The following RAPGEF4 variants were observed in gnomAD, a reference collection of about 807,000 sequenced individuals.
RAPGEF4 encodes the protein RAP guanine-nucleotide-exchange factor (GEF) 4.
Under a neutral mutation model 147.9 loss-of-function variants are expected in RAPGEF4, and 66 were observed. The ratio of observed to expected loss-of-function variants is 0.45; its 90% CI spans 0.37 to 0.55. RAPGEF4 has a LOEUF of 0.55. Among genes scored for constraint, RAPGEF4 ranks in the 20% least tolerant of loss-of-function variants. The pLI is 0.00. For missense variants in RAPGEF4, 1,071 were observed against 1,257.3 expected, an observed-to-expected ratio of 0.85 and a Z score of 2.24; for synonymous variants, 419 against 442.7, an observed-to-expected ratio of 0.95 and a Z score of 0.67.
chr2:172,931,039 C>T (rs1685867441), intron 6 of RAPGEF4, among the ~76,000 whole-genome samples: 1 of 152,000 alleles, frequency 6.6e-6, no homozygotes, highest in African/African-American at 2.4e-5. Context: ...TTTGCCAGTT[C>T]CCATCCCTGA....
At chr2:172,959,842 C>A (rs895913565) in intron 6 of RAPGEF4, among the ~76,000 whole-genome samples, 2 of 152,222 alleles carry the variant, frequency 1.3e-5, no homozygotes, top group African/African-American at 4.8e-5. Context: ...ATAATCCCAG[C>A]ACTTTGGGAG....
At chr2:172,997,415 G>T (rs1001419613) in intron 16 of RAPGEF4, among the ~76,000 whole-genome samples, 1 of 152,118 alleles carries the variant, frequency 6.6e-6, no homozygotes, top group African/African-American at 2.4e-5. Flanking sequence ...TTCCAAAGAC[G>T]ATTATATTCT....
In RAPGEF4 at chr2:173,052,817, G is replaced by A. The variant is rs1456862752; in HGVS notation, c.*1050G>A. 1 of 152,216 alleles carries A rather than the reference G, an allele frequency of 6.6e-6. No individual in the cohort carries two copies. The highest frequency in any genetic ancestry group is 2.4e-5 in the African/African-American group (1 of 41,348). 9.4% of individuals were successfully genotyped at this position (152,216 alleles called of 1,614,324 possible). A position where few individuals can be genotyped will look rare whatever the true frequency, so the allele number is the denominator to read the frequency against. The stretch of plus-strand genomic sequence containing the variant: ...TTTTCACAATTAGACTACATTTAAT[G>A]TGTAGGAATTGTATGTATGTATATC... On this transcript the variant is annotated 3_prime_UTR_variant, in exon 31 of 31. Transcript: ENST00000397081.
At chr2:173,031,801 C>T (rs1376949871) in intron 26 of RAPGEF4, among the ~76,000 whole-genome samples, 1 of 152,086 alleles carries the variant, frequency 6.6e-6, no homozygotes, top group Non-Finnish European at 1.5e-5. Flanking sequence ...AGGAAATTAT[C>T]CTTTCATCAT....
chr2:172,773,508 G>T (rs1181277007), intron 1 of RAPGEF4, among the ~76,000 whole-genome samples: 1 of 152,048 alleles, frequency 6.6e-6, no homozygotes, highest in Non-Finnish European at 1.5e-5. Context: ...GATGAGAAAA[G>T]ACAAAGGTCT....
At chr2:172,740,926 A>C (rs1434985242) in intron 1 of RAPGEF4, among the ~76,000 whole-genome samples, 1 of 152,256 alleles carries the variant, frequency 6.6e-6, no homozygotes, top group Non-Finnish European at 1.5e-5. Context: ...GTGGACACTC[A>C]CGTCCTTTGG....
intron 1 of RAPGEF4, among the ~76,000 whole-genome samples, chr2:172,756,182 C>G (rs1447920391): frequency 6.6e-6 from 1 of 152,162 alleles, no homozygotes; most frequent in East Asian, 1.9e-4. Context: ...ATAGTATTTA[C>G]TAGGACAGTA....
intron 17 of RAPGEF4, among the ~76,000 whole-genome samples, chr2:173,013,278 T>C (rs1034070359): frequency 1.3e-5 from 2 of 152,208 alleles, no homozygotes; most frequent in Non-Finnish European, 2.9e-5. Context: ...TGTAGCTCGC[T>C]GTGAGGAATG....
At chr2:172,869,046 T>C (rs1050897464) in intron 4 of RAPGEF4, among the ~76,000 whole-genome samples, 1 of 152,224 alleles carries the variant, frequency 6.6e-6, no homozygotes, top group Non-Finnish European at 1.5e-5. Context: ...AGTTTTGGTA[T>C]CTGGAGCCAA....
At chr2:172,918,672 C>T (rs1412968895) in intron 5 of RAPGEF4, among the ~76,000 whole-genome samples, 6 of 152,098 alleles carry the variant, frequency 3.9e-5, no homozygotes, top group Non-Finnish European at 7.4e-5. Context: ...TCATGCATGT[C>T]GGAAACATGG....
At chr2:172,922,037 G>T (rs1407964257) in intron 5 of RAPGEF4, among the ~76,000 whole-genome samples, 3 of 152,222 alleles carry the variant, frequency 2.0e-5, no homozygotes, top group Non-Finnish European at 2.9e-5. Context: ...TAAACCATAT[G>T]GTAGACGCAA....
intron 4 of RAPGEF4, among the ~76,000 whole-genome samples, chr2:172,838,646 C>G (rs1228172810): frequency 6.6e-6 from 1 of 152,026 alleles, no homozygotes; most frequent in African/African-American, 2.4e-5. Context: ...TGTAGGATCT[C>G]TTGGTATGGA....
At chr2:172,902,712 T>C (rs2149967229) in intron 4 of RAPGEF4, among the ~76,000 whole-genome samples, 1 of 152,314 alleles carries the variant, frequency 6.6e-6, no homozygotes, top group South Asian at 2.1e-4. Context: ...TAATCTGTTA[T>C]TTGATGATAT....
At chr2:172,805,739 A>G (rs973635948) in intron 3 of RAPGEF4, among the ~76,000 whole-genome samples, 1 of 152,144 alleles carries the variant, frequency 6.6e-6, no homozygotes, top group Non-Finnish European at 1.5e-5. Context: ...GAGCCTAACC[A>G]GGACACATCC....
chr2:172,805,105 C>A (rs1687359592), intron 3 of RAPGEF4, among the ~76,000 whole-genome samples: 2 of 152,202 alleles, frequency 1.3e-5, no homozygotes. Flanking sequence ...CTCTCACAGT[C>A]AGGCCCTTTC....
chr2:172,800,872 T>C (rs1311700610), intron 3 of RAPGEF4, among the ~76,000 whole-genome samples: 1 of 152,138 alleles, frequency 6.6e-6, no homozygotes, highest in East Asian at 1.9e-4. Flanking sequence ...CTACTGGCCA[T>C]TATAGTCTAG....
chr2:172,901,901 C>T (rs1699094934), intron 4 of RAPGEF4, among the ~76,000 whole-genome samples: 2 of 152,152 alleles, frequency 1.3e-5, no homozygotes, highest in Admixed American at 6.5e-5. Context: ...TTGAGCCACT[C>T]CACACTCAGA....
At chr2:172,782,865 CT>C (rs1684810693) in intron 1 of RAPGEF4, among the ~76,000 whole-genome samples, 1 of 152,160 alleles carries the variant, frequency 6.6e-6, no homozygotes. Flanking sequence ...CCCCGTTTGG[CT>C]GGGGTCTGGT....
chr2:172,965,341 C>T, intron 8 of RAPGEF4: 1 of 582,404 alleles, frequency 1.7e-6, no homozygotes, highest in Non-Finnish European at 3.0e-6. Flanking sequence ...TTCATTTAAC[C>T]AGCCTTGCTT....
Sources: gnomAD v4.1 joint callset for allele counts (sites outside exome capture counted in the v4.1 genomes callset) on GRCh38, gnomAD v4.1.1 for gene constraint, MANE v1.5 for transcripts, NCBI Gene and HGNC (gene_info 2026-07-23, HGNC 2026-07-21) for gene names.